ANK2: variants seen among roughly 807,000 people sequenced by gnomAD.
The protein encoded by ANK2 is ankyrin 2.
ANK2 carries 83 observed loss-of-function variants against 360.5 expected under a neutral mutation model. The observed-to-expected ratio is 0.23, with a 90% CI of 0.19 to 0.28. The LOEUF (loss-of-function observed/expected upper bound fraction) is 0.28. ANK2 is among the 10% of genes least tolerant of loss of function. The probability of loss-of-function intolerance (pLI) is 1.00; values close to 1 mark genes in which losing one functional copy is unlikely to be tolerated. For missense variants in ANK2, 4,201 were observed against 4,795.7 expected, an observed-to-expected ratio of 0.88 and a Z score of 3.66; for synonymous variants, 1,740 against 1,759.5, an observed-to-expected ratio of 0.99 and a Z score of 0.28.
intron 1 of ANK2, among the ~76,000 whole-genome samples, chr4:113,139,023 G>A (rs1440194754): frequency 6.6e-6 from 1 of 152,158 alleles, no homozygotes; most frequent in Non-Finnish European, 1.5e-5. Flanking sequence ...TATTTGGGGA[G>A]GTTGATTATA....
chr4:113,336,292 T>TAAAA, intron 30 of ANK2: 1 of 503,454 alleles, frequency 2.0e-6, no homozygotes, highest in African/African-American at 2.0e-5. Context: ...TTTCTTCTTG[T>TAAAA]AAAAAAAAAA....
chr4:113,049,908 A>G, intron 1 of ANK2, 96 bp downstream of exon 1: 27 of 1,430,894 alleles, frequency 1.9e-5, no homozygotes, highest in Non-Finnish European at 2.6e-5. Context: ...ACCGTGGAGC[A>G]TTATGAGTAA....
intron 4 of ANK2, among the ~76,000 whole-genome samples, chr4:113,204,398 A>T (rs528105776): frequency 6.6e-6 from 1 of 152,276 alleles, no homozygotes; most frequent in African/African-American, 2.4e-5. Flanking sequence ...AGAAGAAGGG[A>T]AGGGCTAGAA....
chr4:112,966,173 C>T (rs1221264505), intron 2 of ANK2, among the ~76,000 whole-genome samples: 1 of 151,476 alleles, frequency 6.6e-6, no homozygotes, highest in Non-Finnish European at 1.5e-5. Context: ...GACATGTTTC[C>T]TTTTCTTTGT....
chr4:113,147,749 G>A (rs2096888454), intron 1 of ANK2, among the ~76,000 whole-genome samples: 1 of 152,178 alleles, frequency 6.6e-6, no homozygotes, highest in South Asian at 2.1e-4. Flanking sequence ...ATATGTCAGG[G>A]TTTTCCTCTG....
At chr4:112,793,951 C>G in the ANK2 span, among the ~76,000 whole-genome samples, 1 of 152,136 alleles carries the variant, frequency 6.6e-6, no homozygotes, top group African/African-American at 2.4e-5. Flanking sequence ...CCTGCCTCGG[C>G]CTCCCAAAGT....
At chr4:113,049,646 C>T (rs2066016078), upstream of ANK2, 4 of 1,561,602 alleles carry the variant, frequency 2.6e-6, no homozygotes, top group Non-Finnish European at 3.5e-6. Flanking sequence ...TCCTGCTTTC[C>T]TCCAGTAAGT....
intron 2 of ANK2, among the ~76,000 whole-genome samples, chr4:112,957,999 C>T (rs1305031638): frequency 1.3e-5 from 2 of 150,430 alleles, no homozygotes; most frequent in Non-Finnish European, 3.0e-5. Context: ...AGACGATGGG[C>T]GGCGGGGCAG....
chr4:113,028,454 C>T (rs535577047), intron 2 of ANK2, among the ~76,000 whole-genome samples: 6 of 152,220 alleles, frequency 3.9e-5, no homozygotes, highest in African/African-American at 1.4e-4. Context: ...GTGCTAGGCA[C>T]TACGCAAAGG....
At chr4:113,008,806 C>G (rs1306978548) in intron 2 of ANK2, among the ~76,000 whole-genome samples, 1 of 151,910 alleles carries the variant, frequency 6.6e-6, no homozygotes, top group Admixed American at 6.6e-5. Flanking sequence ...GGCTGTGATT[C>G]TATATTCTGT....
At chr4:112,802,366 A>G in the ANK2 span, among the ~76,000 whole-genome samples, 1 of 152,238 alleles carries the variant, frequency 6.6e-6, no homozygotes, top group Non-Finnish European at 1.5e-5. Flanking sequence ...AGGAAGGAGC[A>G]TGCAGCTTGC....
chr4:112,745,163 T>C, the ANK2 span, among the ~76,000 whole-genome samples: 1 of 152,360 alleles, frequency 6.6e-6, no homozygotes. Flanking sequence ...CTTGACTAAT[T>C]CTAAAAGAAA....
intron 2 of ANK2, among the ~76,000 whole-genome samples, chr4:112,982,985 C>T (rs1216656125): frequency 1.3e-5 from 2 of 152,140 alleles, no homozygotes; most frequent in African/African-American, 2.4e-5. Context: ...CAACAATATA[C>T]ACCATGGCAA....
intron 2 of ANK2, among the ~76,000 whole-genome samples, chr4:113,028,791 G>A (rs777377765): frequency 2.7e-4 from 41 of 152,086 alleles, no homozygotes; most frequent in Non-Finnish European, 4.1e-4. Context: ...CAAAAAATGC[G>A]TATTGTTTCC....
chr4:112,981,772 A>T (rs2154271690), intron 2 of ANK2, among the ~76,000 whole-genome samples: 1 of 152,362 alleles, frequency 6.6e-6, no homozygotes, highest in Middle Eastern at 3.4e-3. Flanking sequence ...GTCTAAAGAA[A>T]GGAAGTTTGG....
chr4:113,342,411 C>T (rs1175929287), intron 33 of ANK2, among the ~76,000 whole-genome samples: 4 of 151,934 alleles, frequency 2.6e-5, no homozygotes, highest in Non-Finnish European at 5.9e-5. Flanking sequence ...TCAAAAGTTA[C>T]CCAAGCAGGC....
At chr4:112,791,476 C>CT in the ANK2 span, among the ~76,000 whole-genome samples, 19 of 98,266 alleles carry the variant, frequency 1.9e-4, no homozygotes, top group South Asian at 3.5e-4. Context: ...TCTTCTTCTT[C>CT]TTCTTTTTTT....
chr4:112,785,137 C>T, the ANK2 span, among the ~76,000 whole-genome samples: 32 of 152,308 alleles, frequency 2.1e-4, no homozygotes, highest in African/African-American at 7.2e-4. Flanking sequence ...GTTCTGTGAG[C>T]TTGCAGGCTG....
intron 1 of ANK2, among the ~76,000 whole-genome samples, chr4:113,081,730 A>G (rs1039124910): frequency 2.6e-5 from 4 of 152,182 alleles, no homozygotes; most frequent in South Asian, 2.1e-4. Context: ...AAATGCTTAT[A>G]TACACAGCCA....
Sources: gnomAD v4.1 joint callset for allele counts (sites outside exome capture counted in the v4.1 genomes callset) on GRCh38, gnomAD v4.1.1 for gene constraint, MANE v1.5 for transcripts, NCBI Gene and HGNC (gene_info 2026-07-23, HGNC 2026-07-21) for gene names.